The following GPC4 variants were observed in gnomAD, a reference collection of about 807,000 sequenced individuals.
The protein encoded by GPC4 is glypican-4.
In GPC4, 10 loss-of-function variants were observed where a neutral mutation model predicts 35.0. The observed-to-expected ratio is 0.29, with a 90% CI of 0.18 to 0.48. The LOEUF is 0.48. GPC4 is among the 20% of genes least tolerant of loss of function. The probability of loss-of-function intolerance (pLI) is 0.99; values close to 1 mark genes in which losing one functional copy is unlikely to be tolerated. For synonymous variants in GPC4, 167 were observed against 170.2 expected (o/e 0.98, Z 0.15); for missense variants, 322 against 451.3 (o/e 0.71, Z 2.60).
At chrX:133,377,877 CTTTTTTTTTTTCTTTTT>C (rs2068641812) in intron 1 of GPC4, among the ~76,000 whole-genome samples, 1 of 86,192 alleles carries the variant, frequency 1.2e-5, no homozygotes, top group South Asian at 5.8e-4. Context: ...TTTTCTTTTT[CTTTTTTTTTTTCTTTTT>C]TTTTTTTTTT....
intron 1 of GPC4, among the ~76,000 whole-genome samples, chrX:133,405,196 C>A (rs1400141373): frequency 9.4e-6 from 1 of 106,830 alleles, no homozygotes; most frequent in Non-Finnish European, 1.9e-5. Context: ...GCAACCTCCA[C>A]CTCCCGGGTT....
intron 1 of GPC4, among the ~76,000 whole-genome samples, chrX:133,385,653 G>A (rs1013122676): frequency 1.5e-4 from 17 of 111,677 alleles, no homozygotes; most frequent in Admixed American, 1.3e-3. Flanking sequence ...TGCTTGTGAA[G>A]TTAATAACAG....
At chrX:133,333,202 C>T (rs1247773331) in intron 2 of GPC4, among the ~76,000 whole-genome samples, 1 of 112,344 alleles carries the variant, frequency 8.9e-6, no homozygotes, top group Non-Finnish European at 1.9e-5. Flanking sequence ...TGATGAACAA[C>T]ATTCCAAACT....
chrX:133,349,464 G>A (rs748759430), intron 1 of GPC4, among the ~76,000 whole-genome samples: 6 of 112,590 alleles, frequency 5.3e-5, no homozygotes, highest in Admixed American at 9.3e-5. Context: ...AGGAATATCC[G>A]AAATGGTTAA....
At chrX:133,363,312 C>T (rs1379039683) in intron 1 of GPC4, among the ~76,000 whole-genome samples, 2 of 111,093 alleles carry the variant, frequency 1.8e-5, no homozygotes, top group East Asian at 2.8e-4. Flanking sequence ...GCTGGGATTA[C>T]GGGCATGAAC....
At chrX:133,414,560 G>T (rs925889497) in intron 1 of GPC4, 1 of 751,956 alleles carries the variant, frequency 1.3e-6, no homozygotes, top group African/African-American at 2.3e-5. Flanking sequence ...CAGTCGCACT[G>T]GGCAACCCGG....
At chrX:133,404,322 C>T (rs1433174461) in intron 1 of GPC4, among the ~76,000 whole-genome samples, 4 of 98,873 alleles carry the variant, frequency 4.0e-5, no homozygotes, top group Non-Finnish European at 8.1e-5. Context: ...CCAAGGTGGG[C>T]GGATCATGAG....
chrX:133,320,285 T>C (rs758873600), intron 3 of GPC4, among the ~76,000 whole-genome samples: 11 of 111,874 alleles, frequency 9.8e-5, no homozygotes, highest in African/African-American at 3.6e-4. Flanking sequence ...GACTATAGAA[T>C]AGAGATCAAG....
At chrX:133,360,513 A>G (rs2068562400) in intron 1 of GPC4, among the ~76,000 whole-genome samples, 1 of 110,235 alleles carries the variant, frequency 9.1e-6, no homozygotes, top group African/African-American at 3.4e-5. Flanking sequence ...CCCACTAAGC[A>G]AGGGAAGCCT....
Position 133,317,471 on chromosome X carries a change from T to A in GPC4, c.712-6048A>T, listed in dbSNP as rs145989415. On this transcript the variant is annotated intron_variant, in intron 3 of 8. Coordinates refer to ENST00000370828, the MANE Select transcript of GPC4 (RefSeq NM_001448.3). ...TTCCAAACACCACATTAAAAACTAC[T>A]GCAAGCAGCCTGAAAAAAAAAATGC... Among the ~76,000 whole-genome samples, 449 of 109,576 alleles carry A rather than the reference T, an allele frequency of 4.1e-3. 2 individuals are homozygous for A. The highest frequency in any genetic ancestry group is 0.014 in the African/African-American group (426 of 30,380).
intron 4 of GPC4, among the ~76,000 whole-genome samples, chrX:133,308,942 T>C (rs1265627520): frequency 9.2e-6 from 1 of 108,339 alleles, no homozygotes; most frequent in African/African-American, 3.4e-5. Context: ...GACCATTCAT[T>C]AGCTGCAGTC....
chrX:133,413,145 C>T (rs372866199), intron 1 of GPC4, among the ~76,000 whole-genome samples: 1 of 111,695 alleles, frequency 9.0e-6, no homozygotes, highest in Non-Finnish European at 1.9e-5. Context: ...TTTTTTCTGG[C>T]GGGGCAGGAG....
intron 1 of GPC4, among the ~76,000 whole-genome samples, chrX:133,363,167 T>G (rs1286104806): frequency 9.0e-6 from 1 of 111,528 alleles, no homozygotes; most frequent in Non-Finnish European, 1.9e-5. Context: ...TATTATCATT[T>G]TTTAGTTATT....
intron 1 of GPC4, among the ~76,000 whole-genome samples, chrX:133,398,586 T>C (rs1449515144): frequency 1.8e-5 from 2 of 111,027 alleles, no homozygotes; most frequent in Non-Finnish European, 3.8e-5. Context: ...CTGGCCAACA[T>C]GGTAAAACCC....
intron 1 of GPC4, among the ~76,000 whole-genome samples, chrX:133,373,883 T>C (rs758816441): frequency 6.3e-5 from 7 of 111,100 alleles, no homozygotes; most frequent in Admixed American, 9.6e-5. Flanking sequence ...AGGGAAGTGA[T>C]TGTAGACTGG....
chrX:133,369,122 T>C (rs1257261350), intron 1 of GPC4, among the ~76,000 whole-genome samples: 1 of 111,585 alleles, frequency 9.0e-6, no homozygotes, highest in East Asian at 2.8e-4. Flanking sequence ...TAAAACTACC[T>C]CTTTTAATCC....
At position 133,379,764 on chromosome X, in the gene GPC4, T is replaced by C. The variant is rs1367655885; in HGVS notation, c.160+35042A>G. ...CCATAAAAATCACAATGCTGGCACA[T>C]AGAAAGTGCTTAAGAAAGAGAAACA... On this transcript the variant is annotated intron_variant, in intron 1 of 8. Coordinates refer to ENST00000370828, the MANE Select transcript of GPC4 (RefSeq NM_001448.3). Among the ~76,000 whole-genome samples the C allele has an allele frequency of 3.6e-5, 4 of 111,057 alleles. No individual in the cohort carries two copies. In the Admixed American group the frequency reaches 3.8e-4, roughly 11 times the overall value.
chrX:133,362,359 T>C (rs2068572974), intron 1 of GPC4, among the ~76,000 whole-genome samples: 1 of 111,544 alleles, frequency 9.0e-6, no homozygotes. Flanking sequence ...ACATGCCATA[T>C]CTGTGCCCTA....
At chrX:133,318,537 A>AT (rs1310651076) in intron 3 of GPC4, among the ~76,000 whole-genome samples, 2 of 112,006 alleles carry the variant, frequency 1.8e-5, no homozygotes, top group African/African-American at 6.5e-5. Context: ...TGAGGCACTG[A>AT]TTTCTAATTA....
Sources: gnomAD v4.1 joint callset for allele counts (sites outside exome capture counted in the v4.1 genomes callset) on GRCh38, gnomAD v4.1.1 for gene constraint, MANE v1.5 for transcripts, NCBI Gene and HGNC (gene_info 2026-07-23, HGNC 2026-07-21) for gene names.